PRKCQ: variants seen among roughly 807,000 people sequenced by gnomAD.
PRKCQ encodes protein kinase C theta type.
PRKCQ carries 41 observed loss-of-function variants against 91.2 expected under a neutral mutation model. The observed-to-expected ratio is 0.45, with a 90% confidence interval of 0.35 to 0.58. The LOEUF is 0.58. Ranked by LOEUF, PRKCQ falls within the 20% of genes least tolerant of loss-of-function variation. The pLI, the probability that PRKCQ is intolerant of heterozygous loss-of-function variation, is 0.00. For synonymous variants in PRKCQ, 307 were observed against 316.9 expected (o/e 0.97, Z 0.33); for missense variants, 673 against 896.5 (o/e 0.75, Z 3.18).
At chr10:6,527,136 T>G (rs1839228626) in intron 1 of PRKCQ, among the ~76,000 whole-genome samples, 1 of 152,146 alleles carries the variant, frequency 6.6e-6, no homozygotes. Context: ...GACATTTTAT[T>G]TTGGACACGT....
At chr10:6,407,789 T>G in the PRKCQ span, among the ~76,000 whole-genome samples, 1 of 152,194 alleles carries the variant, frequency 6.6e-6, no homozygotes, top group Non-Finnish European at 1.5e-5. This position sits in a 1 kb window ranked among gnomAD's most constrained non-coding sequence, Gnocchi z 4.0. Context: ...TGGCCAATTT[T>G]GTTTCATCCA....
chr10:6,502,145 A>C (rs1242030289), intron 4 of PRKCQ, among the ~76,000 whole-genome samples: 1 of 152,246 alleles, frequency 6.6e-6, no homozygotes, highest in Non-Finnish European at 1.5e-5. Flanking sequence ...CAAGGAGTTA[A>C]GAGTCCAGAG....
intron 8 of PRKCQ, 105 bp from the exon 9 acceptor site, chr10:6,486,249 T>A: frequency 1.1e-6 from 1 of 901,716 alleles, no homozygotes; most frequent in Non-Finnish European, 1.8e-6. Flanking sequence ...GAGGAAAGCC[T>A]AAAGTGCCAC....
At chr10:6,435,805 G>A (rs1337918943) in intron 16 of PRKCQ, among the ~76,000 whole-genome samples, 21 of 152,202 alleles carry the variant, frequency 1.4e-4, no homozygotes. Flanking sequence ...GCGTGGGTTG[G>A]GCAAGCTTCA....
chr10:6,538,255 G>A (rs1839654450), intron 1 of PRKCQ, among the ~76,000 whole-genome samples: 1 of 152,258 alleles, frequency 6.6e-6, no homozygotes, highest in South Asian at 2.1e-4. Context: ...GGGTGAGCTT[G>A]GAGGCGGCAT....
intron 12 of PRKCQ, among the ~76,000 whole-genome samples, chr10:6,466,882 T>C (rs898847474): frequency 2.6e-5 from 4 of 152,302 alleles, no homozygotes; most frequent in African/African-American, 9.6e-5. Flanking sequence ...TTGCAAAGAA[T>C]GTGGGCTTCA....
chr10:6,466,019 T>A (rs1227394241), intron 12 of PRKCQ, among the ~76,000 whole-genome samples: 1 of 152,236 alleles, frequency 6.6e-6, no homozygotes, highest in African/African-American at 2.4e-5. Context: ...AGAAAGAGCT[T>A]CTGTTCTAAC....
chr10:6,478,926 G>A (rs1836422290), intron 12 of PRKCQ, 66 bp downstream of exon 12: 8 of 1,546,350 alleles, frequency 5.2e-6, no homozygotes, highest in East Asian at 2.3e-5. Flanking sequence ...TAATGAGGGC[G>A]CCATTGAAGG....
chr10:6,404,123 A>G, the PRKCQ span, among the ~76,000 whole-genome samples: 1 of 152,092 alleles, frequency 6.6e-6, no homozygotes, highest in South Asian at 2.1e-4. Flanking sequence ...AGTAGCAAGA[A>G]TAAAAAAATG....
At chr10:6,414,707 A>C in the PRKCQ span, among the ~76,000 whole-genome samples, 1 of 152,294 alleles carries the variant, frequency 6.6e-6, no homozygotes, top group East Asian at 1.9e-4. Flanking sequence ...TATTACAAAG[A>C]AAATATTTGT....
intron 1 of PRKCQ, among the ~76,000 whole-genome samples, chr10:6,542,062 G>T (rs1362171384): frequency 6.6e-6 from 1 of 152,188 alleles, no homozygotes; most frequent in African/African-American, 2.4e-5. Flanking sequence ...CAGAAGCCTG[G>T]GATGCACACA....
At chr10:6,504,573 A>G (rs1352138524) in intron 4 of PRKCQ, among the ~76,000 whole-genome samples, 10 of 152,198 alleles carry the variant, frequency 6.6e-5, no homozygotes, top group African/African-American at 4.8e-5. Flanking sequence ...AGCAACACAC[A>G]CTGATCTCTT....
At chr10:6,501,180 A>C (rs564865603) in intron 4 of PRKCQ, among the ~76,000 whole-genome samples, 1 of 152,284 alleles carries the variant, frequency 6.6e-6, no homozygotes, top group Admixed American at 6.5e-5. Flanking sequence ...TTAGGGTCTA[A>C]GAATAGAAGT....
intron 2 of PRKCQ, among the ~76,000 whole-genome samples, chr10:6,513,105 T>G (rs1042262791): frequency 9.2e-5 from 14 of 152,286 alleles, no homozygotes; most frequent in Non-Finnish European, 1.8e-4. Context: ...TGTAATCACC[T>G]AAACAGAGGG....
intron 1 of PRKCQ, among the ~76,000 whole-genome samples, chr10:6,579,490 C>A (rs1199448770): frequency 2.0e-5 from 3 of 152,136 alleles, no homozygotes; most frequent in Non-Finnish European, 4.4e-5. Context: ...GTGCACACGC[C>A]TGTAGCATTC....
intron 1 of PRKCQ, among the ~76,000 whole-genome samples, chr10:6,539,654 T>C (rs1266412714): frequency 6.6e-6 from 1 of 152,156 alleles, no homozygotes; most frequent in Non-Finnish European, 1.5e-5. Flanking sequence ...ATTAATGTAA[T>C]GTGCTTGAAT....
chr10:6,514,690 G>T (rs536744860), intron 2 of PRKCQ, among the ~76,000 whole-genome samples: 32 of 152,216 alleles, frequency 2.1e-4, no homozygotes, highest in Admixed American at 3.3e-4. Flanking sequence ...AACCACATAG[G>T]GCTATGTTCT....
chr10:6,483,377 C>G (rs1374331498), intron 11 of PRKCQ, 63 bp downstream of exon 11: 83 of 1,598,252 alleles, frequency 5.2e-5, no homozygotes, highest in Middle Eastern at 5.0e-4. Context: ...ATTTCTTTGA[C>G]CAGGAACTTG....
intron 4 of PRKCQ, among the ~76,000 whole-genome samples, chr10:6,502,119 G>A (rs1159743773): frequency 6.6e-6 from 1 of 152,318 alleles, no homozygotes; most frequent in Non-Finnish European, 1.5e-5. Flanking sequence ...GACGTGTTTT[G>A]ACAGTGGCTG....
Sources: allele counts gnomAD v4.1 joint callset (sites outside exome capture counted in the v4.1 genomes callset), GRCh38; gene constraint gnomAD v4.1.1; non-coding constraint Gnocchi (gnomAD v3.1); transcripts MANE v1.5; gene names NCBI Gene and HGNC (gene_info 2026-07-23, HGNC 2026-07-21).